Variants in EEF1AKMT1 observed in about 807,000 individuals in gnomAD.
EEF1AKMT1 encodes N-6 adenine-specific DNA methyltransferase 2 (putative).
A neutral mutation model predicts 21.0 loss-of-function variants in EEF1AKMT1; 18 were observed. The ratio of observed to expected loss-of-function variants is 0.86; its 90% CI spans 0.59 to 1.27. The LOEUF is 1.27. Among genes scored for constraint, EEF1AKMT1 ranks in the 50% most tolerant of loss-of-function variants. The pLI, the probability that EEF1AKMT1 is intolerant of heterozygous loss-of-function variation, is 0.00. For missense variants in EEF1AKMT1, 246 were observed against 258.6 expected (o/e 0.95, Z 0.33); for synonymous variants, 109 against 94.8 (o/e 1.15, Z -0.87).
chr13:20,760,620 T>C (rs2058996755), intron 1 of EEF1AKMT1, among the ~76,000 whole-genome samples: 4 of 152,116 alleles, frequency 2.6e-5, no homozygotes, highest in African/African-American at 7.2e-5. Flanking sequence ...ATGGGTTCAC[T>C]AGAAACCCAA....
At chr13:20,771,389 T>C (rs2059062176) in intron 1 of EEF1AKMT1, among the ~76,000 whole-genome samples, 1 of 152,162 alleles carries the variant, frequency 6.6e-6, no homozygotes, top group Non-Finnish European at 1.5e-5. Context: ...ATATAAGAAT[T>C]TGATCCCAAA....
At chr13:20,752,731 T>G (rs2058949242) in intron 2 of EEF1AKMT1, among the ~76,000 whole-genome samples, 1 of 152,180 alleles carries the variant, frequency 6.6e-6, no homozygotes, top group African/African-American at 2.4e-5. Flanking sequence ...TATTGATTAT[T>G]CTTTTTAAGT....
At chr13:20,753,311 A>G (rs1025824979) in intron 2 of EEF1AKMT1, among the ~76,000 whole-genome samples, 3 of 152,038 alleles carry the variant, frequency 2.0e-5, no homozygotes, top group Non-Finnish European at 4.4e-5. Flanking sequence ...TGACATTTCA[A>G]TTTTTCAAAA....
chr13:20,760,123 A>AAAG lies in EEF1AKMT1; in HGVS notation c.-19-2509_-19-2507dup, dbSNP rs780396386. On this transcript the variant is annotated intron_variant, in intron 1 of 4. Transcript: ENST00000382758. ...CTGTCTCAAAAAAAAAAAAAAAAAA[A>AAAG]AAGTCAAAAAATAACAGATGTGGGC... is the stretch of plus-strand genomic sequence containing the variant. Among the ~76,000 whole-genome samples, 639 of 127,444 alleles carry AAAG rather than the reference A, an allele frequency of 5.0e-3. 21 individuals are homozygous for AAAG. Among genetic ancestry groups the AAAG allele is most frequent in the African/African-American group, 0.012 (386 of 33,512 alleles). 83.6% of individuals were successfully genotyped at this position (127,444 alleles called of 152,430 possible).
In EEF1AKMT1 at chr13:20,739,010, A is replaced by G. The variant is rs9552267; in HGVS notation, c.145-1205T>C. 3.7e-4 allele frequency among the ~76,000 whole-genome samples: 56 copies of G among 152,290 alleles called. No individual in the cohort carries two copies. The East Asian group carries it at 9.8e-3, about 27-fold the overall frequency. The stretch of plus-strand genomic sequence containing the variant: ...GACAGTTCTTAAAGATAGTGTGCCC[A>G]GAGTTCCTTCCTTCTGATGTTCAGA... On this transcript the variant is annotated intron_variant, in intron 2 of 4. Coordinates refer to ENST00000382758, the MANE Select transcript of EEF1AKMT1 (RefSeq NM_001318939.2).
At chr13:20,751,984 T>C (rs1480496112) in intron 2 of EEF1AKMT1, among the ~76,000 whole-genome samples, 2 of 152,204 alleles carry the variant, frequency 1.3e-5, no homozygotes, top group Non-Finnish European at 2.9e-5. Flanking sequence ...CTGATTTTTG[T>C]ATGTTGATTT....
At chr13:20,730,891 A>G (rs2058790055) in intron 4 of EEF1AKMT1, among the ~76,000 whole-genome samples, 1 of 152,182 alleles carries the variant, frequency 6.6e-6, no homozygotes, top group Admixed American at 6.5e-5. Context: ...TTTGCTCTTC[A>G]TAATAAAGCT....
chr13:20,741,234 T>C (rs867295535), intron 2 of EEF1AKMT1, among the ~76,000 whole-genome samples: 4 of 151,912 alleles, frequency 2.6e-5, no homozygotes, highest in Admixed American at 1.3e-4. Flanking sequence ...GAGCCACTTT[T>C]ACCACTTATG....
At chr13:20,738,703 T>C (rs2058843322) in intron 2 of EEF1AKMT1, among the ~76,000 whole-genome samples, 1 of 152,220 alleles carries the variant, frequency 6.6e-6, no homozygotes, top group Non-Finnish European at 1.5e-5. Flanking sequence ...TTGGAAACAT[T>C]ACACTGAACG....
intron 1 of EEF1AKMT1, among the ~76,000 whole-genome samples, chr13:20,759,484 G>C (rs1419177352): frequency 1.3e-5 from 2 of 152,094 alleles, no homozygotes; most frequent in African/African-American, 4.8e-5. Flanking sequence ...GGAGGCTGAG[G>C]CAGGAGAATG....
At position 20,757,562 on chromosome 13, in the gene EEF1AKMT1, A is replaced by C; in HGVS notation, c.37T>G (p.Ser13Ala). ...DLEDDETPQL[S>A]AHALAALQEF... ...TGGAGAGCTGCTAAGGCATGGGCAG[A>C]AAGCTGGGGTGTCTCATCATCTTCC... The change falls in exon 2 of 5, where the codon TCT becomes GCT. Residue 13 changes from serine to alanine, a missense_variant. By Grantham distance (99) the Ser-to-Ala change is moderately conservative. Coordinates refer to ENST00000382758, the MANE Select transcript of EEF1AKMT1 (RefSeq NM_001318939.2). The C allele has an allele frequency of 3.1e-6, 5 of 1,614,130 alleles. No individual in the cohort carries two copies. The highest frequency in any genetic ancestry group is 4.2e-6 in the Non-Finnish European group (5 of 1,179,986).
At chr13:20,738,920 G>A (rs564992031) in intron 2 of EEF1AKMT1, among the ~76,000 whole-genome samples, 4 of 152,294 alleles carry the variant, frequency 2.6e-5, no homozygotes, top group South Asian at 2.1e-4. Context: ...TTGTGTGTCC[G>A]GAATTGGTGG....
chr13:20,769,765 G>A (rs765471291), intron 1 of EEF1AKMT1, among the ~76,000 whole-genome samples: 1 of 150,952 alleles, frequency 6.6e-6, no homozygotes, highest in African/African-American at 2.4e-5. Flanking sequence ...GGCACACAAA[G>A]AAACAGGAAA....
At chr13:20,738,085 G>T (rs1228497792) in intron 2 of EEF1AKMT1, among the ~76,000 whole-genome samples, 1 of 152,100 alleles carries the variant, frequency 6.6e-6, no homozygotes. Context: ...TGTTTTTCCC[G>T]ATAGAACATA....
intron 2 of EEF1AKMT1, among the ~76,000 whole-genome samples, chr13:20,752,828 T>C (rs576513733): frequency 3.6e-4 from 55 of 152,178 alleles, no homozygotes; most frequent in African/African-American, 1.3e-3. Context: ...TTTTTGTCTT[T>C]TGTTTTTTTT....
intron 2 of EEF1AKMT1, among the ~76,000 whole-genome samples, chr13:20,753,091 C>G (rs2141428390): frequency 6.6e-6 from 1 of 152,204 alleles, no homozygotes; most frequent in East Asian, 1.9e-4. Context: ...AAACTTCACT[C>G]TTAGCACTGT....
At chr13:20,734,358 AC>A in intron 3 of EEF1AKMT1, among the ~76,000 whole-genome samples, 1 of 152,142 alleles carries the variant, frequency 6.6e-6, no homozygotes, top group East Asian at 1.9e-4. Context: ...GGATCAGAGA[AC>A]CTGTGTTGAA....
chr13:20,731,829 T>TGCA lies in EEF1AKMT1; in HGVS notation c.508+9_508+11dup. ...TCAGTGACTTTGATGAGATATGAAATGCAGCACCTACCTGTGCACAGCAGA... is the reference window on the plus strand; with the variant it reads ...TCAGTGACTTTGATGAGATATGAAATGCAGCAGCACCTACCTGTGCACAGCAGA... On this transcript the variant is annotated intron_variant, in intron 4 of 4. Coordinates refer to ENST00000382758, the MANE Select transcript of EEF1AKMT1 (RefSeq NM_001318939.2). The TGCA allele has an allele frequency of 6.2e-7, 1 of 1,604,968 alleles. No homozygotes were observed. Among genetic ancestry groups the TGCA allele is most frequent in the Non-Finnish European group, 8.5e-7 (1 of 1,173,650 alleles).
intron 1 of EEF1AKMT1, among the ~76,000 whole-genome samples, chr13:20,763,020 T>C (rs2059008828): frequency 6.6e-6 from 1 of 152,224 alleles, no homozygotes; most frequent in Non-Finnish European, 1.5e-5. Context: ...TAACTGATTC[T>C]TCTTATGTAT....
Sources: allele counts gnomAD v4.1 joint callset (sites outside exome capture counted in the v4.1 genomes callset), GRCh38; gene constraint gnomAD v4.1.1; transcripts MANE v1.5; gene names NCBI Gene and HGNC (gene_info 2026-07-23, HGNC 2026-07-21).